C2orf76: variants seen among roughly 807,000 people sequenced by gnomAD.
C2orf76 encodes UPF0538 protein C2orf76.
Under a neutral mutation model 16.9 loss-of-function variants are expected in C2orf76, and 23 were observed. That is an observed-to-expected ratio of 1.36 (90% confidence interval 0.98 to 1.93). C2orf76 has a LOEUF of 1.93. Ranked by LOEUF, C2orf76 falls within the 30% of genes most tolerant of loss-of-function variation. The pLI is 0.00. For synonymous variants in C2orf76, 48 were observed against 52.3 expected (o/e 0.92, Z 0.35); for missense variants, 152 against 152.6 (o/e 1.00, Z 0.02).
chr2:119,293,236 GGCAA>G, the C2orf76 span, among the ~76,000 whole-genome samples: 1 of 152,162 alleles, frequency 6.6e-6, no homozygotes, highest in Non-Finnish European at 1.5e-5. Context: ...GTTTTGCAAG[GGCAA>G]GCATTTGCTA....
chr2:119,351,775 T>G (rs2422462), intron 1 of C2orf76, among the ~76,000 whole-genome samples: 88,058 of 151,586 alleles, frequency 0.58, 26,063 homozygotes, highest in African/African-American at 0.68. Flanking sequence ...AAAAAAAGCA[T>G]AGTGTTGTCT....
the C2orf76 span, among the ~76,000 whole-genome samples, chr2:119,287,428 C>T: frequency 6.6e-6 from 1 of 152,168 alleles, no homozygotes; most frequent in Admixed American, 6.5e-5. Context: ...TACACACCGC[C>T]CGAGACCCTC....
At chr2:119,318,532 A>ATTT (rs10661549) in intron 3 of C2orf76, among the ~76,000 whole-genome samples, 84 of 144,396 alleles carry the variant, frequency 5.8e-4, no homozygotes, top group South Asian at 1.8e-3. Flanking sequence ...ATCTATTGCA[A>ATTT]TTTTTTTTTT....
At chr2:119,366,865 C>A, upstream of C2orf76, 2 of 755,800 alleles carry the variant, frequency 2.6e-6, no homozygotes, top group Non-Finnish European at 4.2e-6. Flanking sequence ...GGGGCTAGCG[C>A]CGCGGCGGGG....
At chr2:119,356,169 G>A (rs1244146527) in intron 1 of C2orf76, among the ~76,000 whole-genome samples, 1 of 152,134 alleles carries the variant, frequency 6.6e-6, no homozygotes, top group Non-Finnish European at 1.5e-5. Context: ...TTGGGAGGCT[G>A]AGGTGGGCAG....
chr2:119,350,081 CCCA>C (rs1553449837), intron 1 of C2orf76, among the ~76,000 whole-genome samples: 11 of 131,176 alleles, frequency 8.4e-5, no homozygotes, highest in Non-Finnish European at 1.7e-4. Flanking sequence ...CCCCCGCCCC[CCCA>C]CCGTCCCGCG....
At chr2:119,284,267 G>A in the C2orf76 span, among the ~76,000 whole-genome samples, 20 of 152,260 alleles carry the variant, frequency 1.3e-4, no homozygotes, top group South Asian at 1.7e-3. Flanking sequence ...GAGCCATGCC[G>A]CAGACAGGCT....
Position 119,302,509 on chromosome 2 carries a change from T to TA in C2orf76, c.343dup (p.Tyr115LeufsTer2). The TA allele has an allele frequency of 6.6e-7, 1 of 1,511,734 alleles. No homozygotes were observed. The highest frequency in any genetic ancestry group is 9.0e-7 in the Non-Finnish European group (1 of 1,113,880). 93.6% of individuals were successfully genotyped at this position (1,511,734 alleles called of 1,614,324 possible). A position where few individuals can be genotyped will look rare whatever the true frequency, so the allele number is the denominator to read the frequency against. On this transcript the variant is annotated frameshift_variant, in exon 6 of 6. Transcript: ENST00000334816. LOFTEE classifies it high-confidence loss of function. ...AATGGGATTAGCTTTGTAGTTCTTATAATCTTCTTCACAGAAGAATGCAAT... is the reference window on the plus strand; with the variant it reads ...AATGGGATTAGCTTTGTAGTTCTTATAAATCTTCTTCACAGAAGAATGCAAT...
In C2orf76 at chr2:119,330,350, T is replaced by A. The variant is rs967768555; in HGVS notation, c.134-9146A>T. 8.5e-5 allele frequency among the ~76,000 whole-genome samples: 9 copies of A among 106,224 alleles called. No individual in the cohort carries two copies. In the East Asian group the frequency reaches 8.7e-4, roughly 10 times the overall value. The allele number at this position is 106,224 out of a possible 152,430, so 69.7% of individuals were successfully genotyped here. ...CAAGATCATGCCACTGCACTCTCCA[T>A]CTCAAAAAAAAAAAAAAAATGTTAA... On this transcript the variant is annotated intron_variant, in intron 2 of 5. Transcript: ENST00000334816.
chr2:119,360,544 A>T (rs1680713528), intron 1 of C2orf76, among the ~76,000 whole-genome samples: 1 of 152,108 alleles, frequency 6.6e-6, no homozygotes. Context: ...ACACTTTATA[A>T]CAGACTATAC....
intron 2 of C2orf76, among the ~76,000 whole-genome samples, chr2:119,329,622 C>T (rs914349601): frequency 2.0e-5 from 3 of 151,746 alleles, no homozygotes; most frequent in Admixed American, 6.6e-5. Flanking sequence ...CTTTTTTTAG[C>T]TCATTAGCTG....
the C2orf76 span, among the ~76,000 whole-genome samples, chr2:119,286,811 G>T: frequency 2.0e-5 from 3 of 152,142 alleles, no homozygotes; most frequent in African/African-American, 7.2e-5. Context: ...CCAAAGCAGG[G>T]CAATGGCGGT....
intron 5 of C2orf76, among the ~76,000 whole-genome samples, chr2:119,304,945 T>A (rs1678729309): frequency 6.6e-6 from 1 of 152,166 alleles, no homozygotes; most frequent in African/African-American, 2.4e-5. Flanking sequence ...CAAATACTAT[T>A]TAAAATGGCT....
chr2:119,353,527 A>G (rs1382225167), intron 1 of C2orf76, among the ~76,000 whole-genome samples: 1 of 151,944 alleles, frequency 6.6e-6, no homozygotes, highest in African/African-American at 2.4e-5. Context: ...GGACATTATA[A>G]TAAAAAGAAA....
At chr2:119,340,764 ACACACACAC>A (rs1680000344) in intron 1 of C2orf76, among the ~76,000 whole-genome samples, 3 of 38,816 alleles carry the variant, frequency 7.7e-5, no homozygotes, top group African/African-American at 4.2e-4. Context: ...ATACACACAC[ACACACACAC>A]ACACACACAC....
the C2orf76 span, among the ~76,000 whole-genome samples, chr2:119,286,353 G>A: frequency 1.3e-5 from 2 of 152,212 alleles, no homozygotes; most frequent in African/African-American, 2.4e-5. Context: ...CTGGGAAGGT[G>A]GGATGGAAAG....
intron 1 of C2orf76, among the ~76,000 whole-genome samples, chr2:119,342,045 C>T (rs914905596): frequency 2.0e-5 from 3 of 152,012 alleles, no homozygotes; most frequent in Admixed American, 2.0e-4. Flanking sequence ...CAAGGAGGAA[C>T]CATAAAATAA....
intron 1 of C2orf76, among the ~76,000 whole-genome samples, chr2:119,365,489 C>T (rs1349334445): frequency 3.3e-5 from 5 of 152,162 alleles, no homozygotes; most frequent in Non-Finnish European, 7.3e-5. Flanking sequence ...TCATTTCTTC[C>T]CAAACATTCC....
rs1001964606 is a variant in C2orf76, at chr2:119,302,477, A to T, written c.376T>A (p.Trp126Arg). The T allele has an allele frequency of 8.9e-6, 12 of 1,350,758 alleles. No individual in the cohort carries two copies. The highest frequency in any genetic ancestry group is 1.2e-5 in the Non-Finnish European group (12 of 967,800). 83.7% of individuals were successfully genotyped at this position (1,350,758 alleles called of 1,614,324 possible). Reference protein sequence around the residue: ...KNYKANPISSW With the variant: ...KNYKANPISSR ...AGGAAGCCCTCGAGATGTTTTCACC[A>T]GGATGAAATGGGATTAGCTTTGTAG... The change falls in exon 6 of 6, where the codon TGG becomes AGG. Residue 126 changes from tryptophan to arginine, a missense_variant. By Grantham distance (101) the Trp-to-Arg change is moderately radical. Coordinates refer to ENST00000334816, the MANE Select transcript of C2orf76 (RefSeq NM_001322331.2).
Sources: gnomAD v4.1 joint callset for allele counts (sites outside exome capture counted in the v4.1 genomes callset) on GRCh38, gnomAD v4.1.1 for gene constraint, MANE v1.5 for transcripts, NCBI Gene and HGNC (gene_info 2026-07-23, HGNC 2026-07-21) for gene names.